Variants in PRR5L observed in about 807,000 individuals in gnomAD.
PRR5L encodes proline-rich protein 5-like.
A neutral mutation model predicts 36.4 loss-of-function variants in PRR5L; 21 were observed. The ratio of observed to expected loss-of-function variants is 0.58; its 90% confidence interval spans 0.41 to 0.83. PRR5L has a LOEUF of 0.83. PRR5L is among the 40% of genes least tolerant of loss of function. PRR5L has a pLI of 0.00. For synonymous variants in PRR5L, 188 were observed against 197.0 expected (o/e 0.95, Z 0.38); for missense variants, 381 against 473.3 (o/e 0.80, Z 1.81).
At chr11:36,324,361 T>C (rs1364592287) in intron 1 of PRR5L, among the ~76,000 whole-genome samples, 1 of 152,152 alleles carries the variant, frequency 6.6e-6, no homozygotes, top group African/African-American at 2.4e-5. Context: ...TATTTATAGA[T>C]GTCAAAATAG....
At position 36,462,485 on chromosome 11, in the gene PRR5L, A is replaced by G. The variant is rs1433861538; in HGVS notation, c.856A>G (p.Ser286Gly). 1 of 1,608,794 alleles carries G rather than the reference A, an allele frequency of 6.2e-7. No individual in the cohort carries two copies. Among genetic ancestry groups the G allele is most frequent in the Non-Finnish European group, 8.5e-7 (1 of 1,177,186 alleles). Residue 286 changes from serine (S) to glycine (G), a missense_variant, in exon 9 of 9, where the codon AGC becomes GGC. Ser to Gly is a moderately conservative substitution (Grantham distance 56). Coordinates refer to ENST00000530639, the MANE Select transcript of PRR5L (RefSeq NM_001160167.2). ...EGEAYLEKCG[S>G]VRRHTVANAH... ...GGAAGCCTACCTGGAGAAGTGTGGC[A>G]GCGTGCGGCGGCACACGGTGGCCAA...
chr11:36,351,039 A>ATATAAAT (rs1856933876), intron 1 of PRR5L, among the ~76,000 whole-genome samples: 1 of 48,080 alleles, frequency 2.1e-5, no homozygotes, highest in African/African-American at 6.5e-5. Flanking sequence ...TTTATTTTTT[A>ATATAAAT]ATATATTTTA....
chr11:36,423,340 G>C (rs1024576629), intron 4 of PRR5L, among the ~76,000 whole-genome samples: 2 of 152,188 alleles, frequency 1.3e-5, no homozygotes, highest in African/African-American at 4.8e-5. Context: ...TTCCCCTAGA[G>C]TTTACAGCAT....
chr11:36,416,365 A>T (rs1033158076), intron 3 of PRR5L, among the ~76,000 whole-genome samples: 1 of 152,196 alleles, frequency 6.6e-6, no homozygotes, highest in African/African-American at 2.4e-5. Context: ...AACAGTACCT[A>T]GTGGAGAAGG....
At chr11:36,331,912 A>C (rs1856723169) in intron 1 of PRR5L, among the ~76,000 whole-genome samples, 1 of 152,216 alleles carries the variant, frequency 6.6e-6, no homozygotes, top group Admixed American at 6.5e-5. Flanking sequence ...TTGGAAATGA[A>C]GTTCCAAACC....
chr11:36,352,258 C>T (rs1252816168), intron 1 of PRR5L, among the ~76,000 whole-genome samples: 1 of 152,022 alleles, frequency 6.6e-6, no homozygotes, highest in Non-Finnish European at 1.5e-5. Flanking sequence ...ATGTTCTTAG[C>T]CCATTTTTGA....
At chr11:36,298,162 A>T (rs1856333554) in intron 1 of PRR5L, among the ~76,000 whole-genome samples, 1 of 152,098 alleles carries the variant, frequency 6.6e-6, no homozygotes, top group Admixed American at 6.5e-5. Flanking sequence ...GTTTGCTGGG[A>T]CTGCCATGAC....
intron 1 of PRR5L, among the ~76,000 whole-genome samples, chr11:36,321,782 T>A (rs965249977): frequency 3.3e-5 from 5 of 152,170 alleles, no homozygotes. Flanking sequence ...GGAGTCTAGA[T>A]GAAGTGCAAG....
intron 4 of PRR5L, among the ~76,000 whole-genome samples, chr11:36,427,918 A>G (rs1858414841): frequency 6.6e-6 from 1 of 152,246 alleles, no homozygotes; most frequent in Admixed American, 6.5e-5. Context: ...CATAGTGGGC[A>G]GGTAACCCCA....
intron 7 of PRR5L, among the ~76,000 whole-genome samples, chr11:36,449,158 T>A (rs959779337): frequency 2.0e-5 from 3 of 152,112 alleles, no homozygotes; most frequent in Non-Finnish European, 4.4e-5. Flanking sequence ...CCCGGATCTT[T>A]CCCCGGCCCA....
At chr11:36,386,755 T>TTCA (rs1857464274) in intron 1 of PRR5L, among the ~76,000 whole-genome samples, 1 of 152,230 alleles carries the variant, frequency 6.6e-6, no homozygotes, top group Non-Finnish European at 1.5e-5. Flanking sequence ...CTTCGGTTTC[T>TTCA]TCATCTGCAA....
chr11:36,339,663 T>C (rs1486397435), intron 1 of PRR5L, among the ~76,000 whole-genome samples: 1 of 152,172 alleles, frequency 6.6e-6, no homozygotes, highest in Non-Finnish European at 1.5e-5. Flanking sequence ...ACACAGCTGG[T>C]AAGGGGTGGA....
intron 7 of PRR5L, among the ~76,000 whole-genome samples, chr11:36,449,256 A>G (rs532145402): frequency 6.6e-6 from 1 of 152,280 alleles, no homozygotes; most frequent in African/African-American, 2.4e-5. Context: ...CTGCTACAGG[A>G]AATTTGGGCC....
chr11:36,390,600 G>T (rs1027994369), intron 1 of PRR5L, among the ~76,000 whole-genome samples: 2 of 152,130 alleles, frequency 1.3e-5, no homozygotes, highest in South Asian at 4.1e-4. Context: ...CCTGCCTTCT[G>T]GTGGTTGTAA....
At chr11:36,460,196 C>T (rs1377168850) in intron 8 of PRR5L, among the ~76,000 whole-genome samples, 1 of 152,176 alleles carries the variant, frequency 6.6e-6, no homozygotes, top group Admixed American at 6.5e-5. Context: ...ATATTATCAA[C>T]ATTTCTCACT....
chr11:36,374,109 T>TTCCTTCCTTCCTTCCTTCCTGC (rs1351828227), intron 1 of PRR5L, among the ~76,000 whole-genome samples: 1 of 74,164 alleles, frequency 1.3e-5, no homozygotes, highest in Non-Finnish European at 3.2e-5. Context: ...TTCCTTCCTC[T>TTCCTTCCTTCCTTCCTTCCTGC]CTCTCTCTCT....
intron 1 of PRR5L, among the ~76,000 whole-genome samples, chr11:36,351,801 A>G (rs1454870233): frequency 7.4e-6 from 1 of 134,316 alleles, no homozygotes; most frequent in Non-Finnish European, 1.5e-5. Context: ...TATATATACC[A>G]CAATTTCTTT....
chr11:36,363,225 G>A (rs2133503679), intron 1 of PRR5L, among the ~76,000 whole-genome samples: 1 of 152,344 alleles, frequency 6.6e-6, no homozygotes, highest in African/African-American at 2.4e-5. Context: ...CCAGGAGACA[G>A]AAAGAGAGGC....
chr11:36,340,354 A>T (rs907503654), intron 1 of PRR5L, among the ~76,000 whole-genome samples: 1 of 152,208 alleles, frequency 6.6e-6, no homozygotes, highest in African/African-American at 2.4e-5. Context: ...CTAAGATGGC[A>T]CAGTCCCTCC....
Sources: gnomAD v4.1 joint callset for allele counts (sites outside exome capture counted in the v4.1 genomes callset) on GRCh38, gnomAD v4.1.1 for gene constraint, MANE v1.5 for transcripts, NCBI Gene and HGNC (gene_info 2026-07-23, HGNC 2026-07-21) for gene names.